Variants in SEMA3A observed in about 807,000 individuals in gnomAD.
The protein encoded by SEMA3A is semaphorin 3A.
Under a neutral mutation model 97.9 loss-of-function variants are expected in SEMA3A, and 29 were observed. The ratio of observed to expected loss-of-function variants is 0.30; its 90% confidence interval spans 0.22 to 0.40. SEMA3A has a LOEUF of 0.40. Among genes scored for constraint, SEMA3A ranks in the 10% least tolerant of loss-of-function variants. The pLI is 1.00. For missense variants in SEMA3A, 763 were observed against 951.3 expected (o/e 0.80, Z 2.60); for synonymous variants, 321 against 323.7 (o/e 0.99, Z 0.09).
At chr7:84,147,829 T>A (rs1796507609) in intron 1 of SEMA3A, among the ~76,000 whole-genome samples, 1 of 152,130 alleles carries the variant, frequency 6.6e-6, no homozygotes, top group African/African-American at 2.4e-5. Context: ...CAATTTAAAT[T>A]TGTCATTTTA....
chr7:83,980,372 C>G (rs1789340928), intron 14 of SEMA3A, among the ~76,000 whole-genome samples: 1 of 151,592 alleles, frequency 6.6e-6, no homozygotes, highest in African/African-American at 2.4e-5. Context: ...TCTCAAAGGC[C>G]AAGGCATGAG....
At chr7:84,069,400 TC>T (rs1284818123) in intron 4 of SEMA3A, among the ~76,000 whole-genome samples, 1 of 152,144 alleles carries the variant, frequency 6.6e-6, no homozygotes, top group Non-Finnish European at 1.5e-5. Context: ...TTTATTAATT[TC>T]CCTTAACCAT....
intron 2 of SEMA3A, among the ~76,000 whole-genome samples, chr7:84,320,616 G>A (rs1057253619): frequency 2.0e-5 from 3 of 151,504 alleles, no homozygotes; most frequent in Non-Finnish European, 2.9e-5. Context: ...AGGTCATTTT[G>A]TTCACAGAAG....
chr7:84,051,190 C>T (rs972936918), intron 5 of SEMA3A, among the ~76,000 whole-genome samples: 10 of 149,124 alleles, frequency 6.7e-5, no homozygotes, highest in East Asian at 2.0e-4. Context: ...CTTTGCAATG[C>T]GGGCTCTTTT....
At chr7:84,154,679 G>GAAAAAAAAAACAAAAAAAAAAAAAAAAA in intron 1 of SEMA3A, among the ~76,000 whole-genome samples, 1 of 112,218 alleles carries the variant, frequency 8.9e-6, no homozygotes, top group Non-Finnish European at 1.8e-5. Context: ...TAGTCTCAGG[G>GAAAAAAAAAACAAAAAAAAAAAAAAAAA]AAAAAAAAAA....
rs1285326791 is a variant in SEMA3A, at chr7:84,327,027, G to C, written c.-168-19735C>G. Among the ~76,000 whole-genome samples the C allele has an allele frequency of 6.6e-5, 10 of 151,890 alleles. No individual in the cohort carries two copies. The East Asian group carries it at 1.9e-3, about 29-fold the overall frequency. On this transcript the variant is annotated intron_variant, in intron 2 of 3. Transcript: ENST00000424555. ...GCAAAAGAAACTAACAGAATAAACA[G>C]ACAACCTACAAAATACTTGCAAACT... is the stretch of plus-strand genomic sequence containing the variant.
intron 4 of SEMA3A, among the ~76,000 whole-genome samples, chr7:84,074,747 G>C (rs922329786): frequency 4.0e-5 from 6 of 151,770 alleles, no homozygotes; most frequent in Non-Finnish European, 8.8e-5. Context: ...CTAAAATATA[G>C]TTGTTAACTA....
upstream of SEMA3A, chr7:84,194,799 A>C: frequency 5.1e-5 from 14 of 273,272 alleles, no homozygotes; most frequent in Middle Eastern, 1.1e-3. Context: ...CCAAAAAGAA[A>C]AAAAAAAAAA....
At chr7:84,045,982 A>AC (rs1792334712) in intron 6 of SEMA3A, among the ~76,000 whole-genome samples, 1 of 151,206 alleles carries the variant, frequency 6.6e-6, no homozygotes, top group East Asian at 1.9e-4. Context: ...AAAAAAAAAA[A>AC]CTACACTGTA....
Position 84,378,923 on chromosome 7 carries a change from G to GTTGTT in SEMA3A, c.-245-7028_-245-7024dup, listed in dbSNP as rs1302893981. Reference sequence around the variant, plus strand: ...ATATATTTTTGTTGTTGTTGTTGTTGTTGTTTTGTTTTGTTTTTTTTGAGA... The same window carrying GTTGTT: ...ATATATTTTTGTTGTTGTTGTTGTTGTTGTTTTGTTTTGTTTTGTTTTTTTTGAGA... On this transcript the variant is annotated intron_variant, in intron 1 of 3. Coordinates refer to the SEMA3A transcript ENST00000424555. 2.0e-5 allele frequency among the ~76,000 whole-genome samples: 3 copies of GTTGTT among 150,202 alleles called. No homozygotes were observed. In the South Asian group the frequency reaches 6.3e-4, roughly 32 times the overall value.
intron 2 of SEMA3A, among the ~76,000 whole-genome samples, chr7:84,340,680 T>G (rs1802142351): frequency 6.7e-6 from 1 of 149,004 alleles, no homozygotes; most frequent in Admixed American, 6.8e-5. Context: ...CTCAGGAGGC[T>G]GGGGCAGGAG....
intron 4 of SEMA3A, among the ~76,000 whole-genome samples, chr7:84,077,357 T>G (rs1270295852): frequency 1.1e-4 from 16 of 152,124 alleles, no homozygotes; most frequent in Admixed American, 9.8e-4. Context: ...GCTATTATTT[T>G]TTTACCACTT....
intron 4 of SEMA3A, among the ~76,000 whole-genome samples, chr7:84,108,032 T>C (rs909581926): frequency 1.3e-5 from 2 of 152,164 alleles, no homozygotes; most frequent in Non-Finnish European, 2.9e-5. Flanking sequence ...ATATTTTGTA[T>C]TAAATACAAA....
In SEMA3A at chr7:83,961,400, C is replaced by T. The variant is rs2116245086; in HGVS notation, c.2287G>A (p.Glu763Lys). The change falls in exon 17 of 17, where the codon GAA becomes AAA. Residue 763 changes from glutamate to lysine, a missense_variant. Transcript: ENST00000265362. ...NKKGRNRRTH[E>K]FERAPRSV Reference sequence around the variant, plus strand: ...ACACTCCTGGGTGCCCTCTCAAATTCGTGGGTCCTCCTGTTTCTACCTTTC... The same window carrying T: ...ACACTCCTGGGTGCCCTCTCAAATTTGTGGGTCCTCCTGTTTCTACCTTTC... 2 of 1,614,028 alleles carry T rather than the reference C, an allele frequency of 1.2e-6. No individual in the cohort carries two copies. Among genetic ancestry groups the T allele is most frequent in the South Asian group, 2.2e-5 (2 of 91,072 alleles).
chr7:84,289,252 G>A (rs547135850), intron 3 of SEMA3A, among the ~76,000 whole-genome samples: 2 of 152,068 alleles, frequency 1.3e-5, no homozygotes, highest in East Asian at 3.9e-4. Flanking sequence ...TTCATTAATG[G>A]GTACAAAACT....
chr7:83,975,759 T>G (rs528823588), intron 15 of SEMA3A, among the ~76,000 whole-genome samples: 2 of 152,308 alleles, frequency 1.3e-5, no homozygotes, highest in African/African-American at 4.8e-5. Flanking sequence ...AAACAGATTA[T>G]TTAGTGTAAT....
intron 1 of SEMA3A, among the ~76,000 whole-genome samples, chr7:84,445,720 G>C (rs530901672): frequency 1.1e-3 from 170 of 151,542 alleles, no homozygotes; most frequent in Non-Finnish European, 2.0e-3. Flanking sequence ...AGTGATAATA[G>C]TGCTAAAGAG....
At chr7:84,024,290 G>A (rs1319571870) in intron 6 of SEMA3A, among the ~76,000 whole-genome samples, 6 of 151,972 alleles carry the variant, frequency 3.9e-5, no homozygotes, top group East Asian at 3.9e-4. Flanking sequence ...CTGTAATCCC[G>A]GCACCATGGG....
At chr7:83,974,019 A>T (rs1301217091) in intron 15 of SEMA3A, among the ~76,000 whole-genome samples, 6 of 152,000 alleles carry the variant, frequency 3.9e-5, no homozygotes. Context: ...TTTCTTGAGT[A>T]CAAAGTCAGA....
Sources: allele counts gnomAD v4.1 joint callset (sites outside exome capture counted in the v4.1 genomes callset), GRCh38; gene constraint gnomAD v4.1.1; transcripts MANE v1.5; gene names NCBI Gene and HGNC (gene_info 2026-07-23, HGNC 2026-07-21).